The following AGBL4 variants were observed in gnomAD, a reference collection of about 807,000 sequenced individuals.
The protein encoded by AGBL4 is AGBL carboxypeptidase 4.
In AGBL4, 58 loss-of-function variants were observed where a neutral mutation model predicts 66.4. That is an observed-to-expected ratio of 0.87 (90% CI 0.71 to 1.09). The LOEUF (loss-of-function observed/expected upper bound fraction) is 1.09. AGBL4 is among the 50% of genes least tolerant of loss of function. AGBL4 has a pLI of 0.00. For missense variants in AGBL4, 579 were observed against 631.0 expected (o/e 0.92, Z 0.88); for synonymous variants, 234 against 222.9 (o/e 1.05, Z -0.44).
Position 49,851,538 on chromosome 1 carries a change from T to G in AGBL4, c.35-20A>C. The G allele has an allele frequency of 6.5e-7, 1 of 1,543,722 alleles. No individual in the cohort carries two copies. The highest frequency in any genetic ancestry group is 1.4e-5 in the African/African-American group (1 of 72,734). ...CATTGCCTATTTAAAAAAATTGAAA[T>G]AAAAGTCAAAGTATATTCGGCAATT... On this transcript the variant is annotated intron_variant, in intron 1 of 13. Transcript: ENST00000371839.
intron 6 of AGBL4, among the ~76,000 whole-genome samples, chr1:48,783,555 C>T (rs1645345101): frequency 6.6e-6 from 1 of 152,178 alleles, no homozygotes; most frequent in African/African-American, 2.4e-5. Flanking sequence ...TAAAACCTGA[C>T]TTTGTTACAT....
At chr1:49,762,118 G>A (rs1445439589) in intron 2 of AGBL4, among the ~76,000 whole-genome samples, 1 of 152,050 alleles carries the variant, frequency 6.6e-6, no homozygotes, top group Non-Finnish European at 1.5e-5. Context: ...TGGGTCATAT[G>A]GCATTTCTAT....
intron 6 of AGBL4, among the ~76,000 whole-genome samples, chr1:48,706,799 C>T (rs1351861342): frequency 6.6e-6 from 1 of 152,240 alleles, no homozygotes; most frequent in East Asian, 1.9e-4. Flanking sequence ...GGGGTTCCCA[C>T]ATCTGAATCC....
chr1:48,564,640 A>G (rs1325107288), intron 11 of AGBL4, among the ~76,000 whole-genome samples: 1 of 152,208 alleles, frequency 6.6e-6, no homozygotes, highest in Non-Finnish European at 1.5e-5. Context: ...ACAAATTCAA[A>G]TGTCTTCAGA....
intron 13 of AGBL4, 73 bp from the exon 14 acceptor site, chr1:48,534,366 T>C: frequency 1.3e-6 from 2 of 1,482,476 alleles, no homozygotes; most frequent in Non-Finnish European, 1.8e-6. Flanking sequence ...TTTGTGTGCA[T>C]GTCTATCTTC....
chr1:48,563,707 C>T (rs1339050003), intron 11 of AGBL4, among the ~76,000 whole-genome samples: 6 of 152,112 alleles, frequency 3.9e-5, no homozygotes, highest in Non-Finnish European at 8.8e-5. Flanking sequence ...TTAAAACATA[C>T]AGAAGGACAG....
At chr1:49,212,948 T>G (rs1648787058) in intron 4 of AGBL4, among the ~76,000 whole-genome samples, 1 of 152,156 alleles carries the variant, frequency 6.6e-6, no homozygotes, top group Admixed American at 6.6e-5. Flanking sequence ...AGCATTTATT[T>G]TTATTTATTA....
chr1:49,832,507 T>C (rs1383899707), intron 2 of AGBL4, among the ~76,000 whole-genome samples: 5 of 151,608 alleles, frequency 3.3e-5, no homozygotes, highest in African/African-American at 9.7e-5. Flanking sequence ...TTTGGGTATA[T>C]ACCCAGTAAT....
At chr1:49,801,404 C>T (rs1398899141) in intron 2 of AGBL4, among the ~76,000 whole-genome samples, 1 of 152,192 alleles carries the variant, frequency 6.6e-6, no homozygotes, top group Non-Finnish European at 1.5e-5. Flanking sequence ...AAACAGAGGA[C>T]TTGCTAAGCC....
chr1:49,156,871 A>G (rs1391737856), intron 4 of AGBL4, among the ~76,000 whole-genome samples: 1 of 152,158 alleles, frequency 6.6e-6, no homozygotes, highest in Non-Finnish European at 1.5e-5. Flanking sequence ...AGCTATGAAT[A>G]CCATAAATAG....
intron 3 of AGBL4, among the ~76,000 whole-genome samples, chr1:49,485,035 G>A (rs984762072): frequency 6.6e-6 from 1 of 151,982 alleles, no homozygotes; most frequent in Non-Finnish European, 1.5e-5. Flanking sequence ...CAACCATTGG[G>A]GAAGTCAGTG....
At chr1:49,205,122 T>C (rs1648030960) in intron 4 of AGBL4, among the ~76,000 whole-genome samples, 1 of 152,108 alleles carries the variant, frequency 6.6e-6, no homozygotes, top group Non-Finnish European at 1.5e-5. Flanking sequence ...TGTCCTGTGC[T>C]TCTTATCTCC....
intron 3 of AGBL4, among the ~76,000 whole-genome samples, chr1:49,319,988 G>A (rs1645103488): frequency 6.6e-6 from 1 of 151,936 alleles, no homozygotes; most frequent in African/African-American, 2.4e-5. Flanking sequence ...GAGTACAGTG[G>A]TACCATTACA....
intron 3 of AGBL4, among the ~76,000 whole-genome samples, chr1:49,597,703 G>C (rs1475123949): frequency 6.6e-6 from 1 of 152,184 alleles, no homozygotes; most frequent in African/African-American, 2.4e-5. Flanking sequence ...AGAAACTCAA[G>C]AGGCAATTAT....
chr1:49,647,481 G>A (rs1645912266), intron 3 of AGBL4, among the ~76,000 whole-genome samples: 2 of 151,990 alleles, frequency 1.3e-5, no homozygotes, highest in Non-Finnish European at 2.9e-5. Context: ...AATTGGTTTG[G>A]ACAACTCTGG....
chr1:48,722,531 C>T (rs1647168366), intron 6 of AGBL4, among the ~76,000 whole-genome samples: 1 of 152,070 alleles, frequency 6.6e-6, no homozygotes, highest in African/African-American at 2.4e-5. Context: ...TTCCTCTAAT[C>T]TAATAAATAG....
At chr1:49,685,003 AG>A (rs1646761874) in intron 3 of AGBL4, among the ~76,000 whole-genome samples, 1 of 152,124 alleles carries the variant, frequency 6.6e-6, no homozygotes, top group African/African-American at 2.4e-5. Flanking sequence ...TTATTTCATC[AG>A]GTAAGTAGTA....
intron 1 of AGBL4, among the ~76,000 whole-genome samples, chr1:49,982,995 C>T (rs1659196091): frequency 6.6e-6 from 1 of 152,202 alleles, no homozygotes; most frequent in Non-Finnish European, 1.5e-5. Context: ...CTATCCACTG[C>T]AAGTCTCCTC....
chr1:48,981,287 CAT>C (rs1159164873), intron 5 of AGBL4, among the ~76,000 whole-genome samples: 1 of 152,138 alleles, frequency 6.6e-6, no homozygotes, highest in East Asian at 1.9e-4. Context: ...TATTTCTGCA[CAT>C]GATAGGGAAT....
Sources: allele counts gnomAD v4.1 joint callset (sites outside exome capture counted in the v4.1 genomes callset), GRCh38; gene constraint gnomAD v4.1.1; transcripts MANE v1.5; gene names NCBI Gene and HGNC (gene_info 2026-07-23, HGNC 2026-07-21).